Variants in PDGFC observed in about 807,000 individuals in gnomAD.
PDGFC encodes platelet-derived growth factor C.
PDGFC carries 12 observed loss-of-function variants against 35.5 expected under a neutral mutation model. The observed-to-expected ratio is 0.34, with a 90% CI of 0.22 to 0.55. The LOEUF is 0.55. Among genes scored for constraint, PDGFC ranks in the 20% least tolerant of loss-of-function variants. PDGFC has a pLI of 0.91. For synonymous variants in PDGFC, 159 were observed against 148.8 expected (o/e 1.07, Z -0.50); for missense variants, 322 against 412.4 (o/e 0.78, Z 1.90).
At chr4:156,837,002 T>G (rs1461002142) in intron 2 of PDGFC, among the ~76,000 whole-genome samples, 1 of 152,164 alleles carries the variant, frequency 6.6e-6, no homozygotes. Flanking sequence ...AGCTGGAACC[T>G]GAACAGAATC....
intron 2 of PDGFC, among the ~76,000 whole-genome samples, chr4:156,831,729 A>G (rs139825702): frequency 6.6e-6 from 1 of 152,066 alleles, no homozygotes; most frequent in African/African-American, 2.4e-5. Context: ...GGTGTGAGCT[A>G]CCACACCCGG....
intron 2 of PDGFC, among the ~76,000 whole-genome samples, chr4:156,830,969 G>T (rs1018915824): frequency 1.3e-5 from 2 of 152,100 alleles, no homozygotes; most frequent in African/African-American, 4.8e-5. Context: ...TGACTATTTA[G>T]AATTATATTT....
At chr4:156,866,260 T>A (rs1440044547) in intron 1 of PDGFC, among the ~76,000 whole-genome samples, 1 of 152,142 alleles carries the variant, frequency 6.6e-6, no homozygotes, top group Non-Finnish European at 1.5e-5. Context: ...TCCAGTTTCA[T>A]CCATGTCCCT....
chr4:156,769,526 G>A (rs571766839), intron 4 of PDGFC, among the ~76,000 whole-genome samples: 131 of 152,060 alleles, frequency 8.6e-4, no homozygotes, highest in African/African-American at 3.0e-3. Flanking sequence ...CCAATTCAAT[G>A]AGTCCATTTC....
At chr4:156,853,005 AC>A (rs1729491856) in intron 1 of PDGFC, among the ~76,000 whole-genome samples, 1 of 152,212 alleles carries the variant, frequency 6.6e-6, no homozygotes, top group African/African-American at 2.4e-5. Flanking sequence ...ATCTTCTAAG[AC>A]CCTGAACAAG....
At chr4:156,887,618 A>G (rs958959498) in intron 1 of PDGFC, among the ~76,000 whole-genome samples, 5 of 152,226 alleles carry the variant, frequency 3.3e-5, no homozygotes, top group Non-Finnish European at 7.3e-5. Flanking sequence ...TTTATTCAAT[A>G]TTAAACTAGT....
At chr4:156,837,799 T>C (rs1255087812) in intron 2 of PDGFC, among the ~76,000 whole-genome samples, 2 of 152,136 alleles carry the variant, frequency 1.3e-5, no homozygotes, top group Admixed American at 6.5e-5. Context: ...AGTGAGACAG[T>C]GGTTGAGCCA....
chr4:156,832,320 G>A (rs1330169487), intron 2 of PDGFC, among the ~76,000 whole-genome samples: 5 of 143,782 alleles, frequency 3.5e-5, no homozygotes, highest in South Asian at 2.2e-4. Flanking sequence ...GCAATGGCAC[G>A]ATCTCGGCTC....
intron 1 of PDGFC, among the ~76,000 whole-genome samples, chr4:156,870,531 T>A (rs1440794362): frequency 6.6e-6 from 1 of 152,152 alleles, no homozygotes; most frequent in Non-Finnish European, 1.5e-5. Flanking sequence ...CTCTTCTCTA[T>A]AATTCCTGAA....
intron 3 of PDGFC, among the ~76,000 whole-genome samples, chr4:156,801,879 A>T (rs1018642126): frequency 6.6e-6 from 1 of 152,212 alleles, no homozygotes; most frequent in Non-Finnish European, 1.5e-5. Flanking sequence ...CATACAAGAC[A>T]CTGCTTTTCC....
chr4:156,933,453 T>C (rs1027151080), intron 1 of PDGFC, among the ~76,000 whole-genome samples: 11 of 152,232 alleles, frequency 7.2e-5, no homozygotes, highest in Non-Finnish European at 1.2e-4. Flanking sequence ...AGCAAAGATA[T>C]GCTCTGCCTT....
At chr4:156,869,312 T>C (rs1187110255) in intron 1 of PDGFC, among the ~76,000 whole-genome samples, 1 of 151,840 alleles carries the variant, frequency 6.6e-6, no homozygotes, top group Non-Finnish European at 1.5e-5. Flanking sequence ...GGCGGGTGCC[T>C]GTAGTCCCAG....
chr4:156,861,573 A>C, intron 1 of PDGFC: 1 of 443,538 alleles, frequency 2.3e-6, no homozygotes. Flanking sequence ...TCAATTTCAG[A>C]TTTTGGAAGT....
intron 1 of PDGFC, among the ~76,000 whole-genome samples, chr4:156,935,415 C>T (rs1731655212): frequency 6.6e-6 from 1 of 152,190 alleles, no homozygotes; most frequent in South Asian, 2.1e-4. Flanking sequence ...ATGCACTATA[C>T]ATAATGTTAT....
intron 1 of PDGFC, among the ~76,000 whole-genome samples, chr4:156,881,434 C>A (rs1426879872): frequency 6.6e-6 from 1 of 152,088 alleles, no homozygotes; most frequent in Non-Finnish European, 1.5e-5. Flanking sequence ...GTGTTCCCAC[C>A]CAAATCTCAT....
chr4:156,928,139 C>G (rs1488162363), intron 1 of PDGFC, among the ~76,000 whole-genome samples: 1 of 152,160 alleles, frequency 6.6e-6, no homozygotes, highest in Non-Finnish European at 1.5e-5. Context: ...TTATTTCCCA[C>G]CAGGTCCCTC....
intron 1 of PDGFC, among the ~76,000 whole-genome samples, chr4:156,869,543 C>T (rs893999188): frequency 6.6e-6 from 1 of 152,134 alleles, no homozygotes; most frequent in Non-Finnish European, 1.5e-5. Flanking sequence ...CAGTAATCCT[C>T]CTCTTCTCTA....
At chr4:156,778,317 A>T (rs1730881166) in intron 3 of PDGFC, 1 of 233,032 alleles carries the variant, frequency 4.3e-6, no homozygotes, top group South Asian at 4.0e-5. Flanking sequence ...ATCCTGGTGA[A>T]TGTGGACCAG....
intron 1 of PDGFC, among the ~76,000 whole-genome samples, chr4:156,874,738 A>G (rs1360875107): frequency 1.3e-5 from 2 of 151,700 alleles, no homozygotes; most frequent in Non-Finnish European, 2.9e-5. Flanking sequence ...TTTTTTAAAT[A>G]CAGGGTCTCA....
Sources: allele counts gnomAD v4.1 joint callset (sites outside exome capture counted in the v4.1 genomes callset), GRCh38; gene constraint gnomAD v4.1.1; transcripts MANE v1.5; gene names NCBI Gene and HGNC (gene_info 2026-07-23, HGNC 2026-07-21).